Variants in SNX10 observed in about 807,000 individuals in gnomAD.
SNX10 encodes the protein sorting nexin 10, also known as sorting nexin-10.
A neutral mutation model predicts 28.5 loss-of-function variants in SNX10; 25 were observed. That is an observed-to-expected ratio of 0.88 (90% CI 0.64 to 1.22). SNX10 has a LOEUF of 1.22. Ranked by LOEUF, SNX10 falls within the 50% of genes most tolerant of loss-of-function variation. The pLI is 0.00. For synonymous variants in SNX10, 62 were observed against 81.4 expected (o/e 0.76, Z 1.28); for missense variants, 223 against 242.6 (o/e 0.92, Z 0.54).
chr7:26,303,038 G>A (rs1013334368), intron 1 of SNX10, among the ~76,000 whole-genome samples: 1 of 152,208 alleles, frequency 6.6e-6, no homozygotes, highest in Non-Finnish European at 1.5e-5. Flanking sequence ...AGGGAGATCA[G>A]AGGTAACACA....
chr7:26,335,250 TACTTGTGTTATACGGGTATAACACAAGA>T (rs1265188424), intron 1 of SNX10, among the ~76,000 whole-genome samples: 1 of 152,210 alleles, frequency 6.6e-6, no homozygotes, highest in Non-Finnish European at 1.5e-5. Flanking sequence ...GGCTCATATA[TACTTGTGTTATACGGGTATAACACAAGA>T]ACCTCTGGTC....
intron 5 of SNX10, chr7:26,370,595 A>C (rs1789481958): frequency 6.6e-6 from 1 of 152,184 alleles, no homozygotes; most frequent in South Asian, 2.1e-4. Context: ...TGCCTTTGTT[A>C]AGAAATAATT....
intron 1 of SNX10, among the ~76,000 whole-genome samples, chr7:26,335,725 A>T (rs1041891170): frequency 6.3e-5 from 9 of 142,218 alleles, no homozygotes; most frequent in Admixed American, 2.1e-4. Context: ...AACCTCGCAG[A>T]TGGAATATTC....
chr7:26,345,210 T>A lies in SNX10; in HGVS notation c.-23-1210T>A, dbSNP rs147814657. Among the ~76,000 whole-genome samples, 607 of 152,286 alleles carry A rather than the reference T, an allele frequency of 4.0e-3. 6 individuals carry two copies. The highest frequency in any genetic ancestry group is 0.014 in the African/African-American group (587 of 41,548). ...TTCTGTGGATCAGGACATGGACCTA[T>A]CTTTATGGCAGCCACAATTCCACCC... On this transcript the variant is annotated intron_variant, in intron 1 of 6. Transcript: ENST00000338523.
intron 1 of SNX10, among the ~76,000 whole-genome samples, chr7:26,340,091 C>T (rs1027143030): frequency 6.6e-6 from 1 of 150,962 alleles, no homozygotes; most frequent in South Asian, 2.1e-4. Context: ...TCACTCCTTA[C>T]ATGTATAGTC....
At chr7:26,345,155 T>A (rs1252588933) in intron 1 of SNX10, among the ~76,000 whole-genome samples, 1 of 152,240 alleles carries the variant, frequency 6.6e-6, no homozygotes, top group Non-Finnish European at 1.5e-5. Context: ...CTCCAAAGAC[T>A]CTTTTTTCAA....
At chr7:26,297,122 A>G (rs1328185158) in intron 1 of SNX10, among the ~76,000 whole-genome samples, 1 of 152,120 alleles carries the variant, frequency 6.6e-6, no homozygotes, top group Non-Finnish European at 1.5e-5. Context: ...TTTGAGACGG[A>G]GTCTCGCTCT....
intron 2 of SNX10, among the ~76,000 whole-genome samples, chr7:26,358,926 C>T (rs954217252): frequency 1.3e-5 from 2 of 150,104 alleles, no homozygotes; most frequent in Non-Finnish European, 3.0e-5. Context: ...CTGCCTCAGC[C>T]TCCTGAGTAG....
intron 1 of SNX10, among the ~76,000 whole-genome samples, chr7:26,330,885 C>T (rs986584131): frequency 8.5e-5 from 13 of 152,086 alleles, no homozygotes; most frequent in African/African-American, 3.1e-4. Context: ...TGCGGTGGCT[C>T]ACGCCTATAA....
chr7:26,361,835 G>C (rs1031256630), intron 3 of SNX10, among the ~76,000 whole-genome samples: 1 of 152,202 alleles, frequency 6.6e-6, no homozygotes, highest in Admixed American at 6.5e-5. Flanking sequence ...ACCAGATTTG[G>C]CCCTCAGGCT....
At chr7:26,300,232 A>T (rs987096955) in intron 1 of SNX10, among the ~76,000 whole-genome samples, 1 of 151,932 alleles carries the variant, frequency 6.6e-6, no homozygotes, top group Non-Finnish European at 1.5e-5. Context: ...AAAATAAAAC[A>T]AAGTGCCAAA....
intron 1 of SNX10, among the ~76,000 whole-genome samples, chr7:26,341,573 C>A (rs1788179585): frequency 6.6e-6 from 1 of 151,620 alleles, no homozygotes; most frequent in Admixed American, 6.6e-5. Context: ...TGACTCACTG[C>A]AACCTTGGCT....
At chr7:26,367,645 C>T (rs542261778) in intron 5 of SNX10, among the ~76,000 whole-genome samples, 1 of 152,150 alleles carries the variant, frequency 6.6e-6, no homozygotes, top group South Asian at 2.1e-4. Context: ...TAAGGTAGTA[C>T]CCTCCATGTC....
At chr7:26,324,612 C>T (rs566240492) in intron 1 of SNX10, among the ~76,000 whole-genome samples, 12 of 152,106 alleles carry the variant, frequency 7.9e-5, no homozygotes, top group African/African-American at 1.2e-4. Context: ...CCTCCTGTCT[C>T]GGCCTCCCAA....
chr7:26,338,110 C>CTT (rs55920968), intron 1 of SNX10, among the ~76,000 whole-genome samples: 169 of 129,242 alleles, frequency 1.3e-3, no homozygotes, highest in African/African-American at 4.5e-3. Flanking sequence ...TTCCTTTGTC[C>CTT]TTTTTTTTTT....
chr7:26,371,445 C>T (rs1306669562), intron 5 of SNX10, among the ~76,000 whole-genome samples: 2 of 152,098 alleles, frequency 1.3e-5, no homozygotes, highest in Non-Finnish European at 2.9e-5. Flanking sequence ...CCATAAAGAT[C>T]ACTGAATTGA....
At chr7:26,353,332 G>A (rs923770564) in intron 2 of SNX10, among the ~76,000 whole-genome samples, 5 of 149,832 alleles carry the variant, frequency 3.3e-5, no homozygotes, top group Non-Finnish European at 5.9e-5. Context: ...CTTCTATTTT[G>A]TTATTTGTAA....
At chr7:26,315,532 G>A (rs892033977) in intron 1 of SNX10, among the ~76,000 whole-genome samples, 1 of 151,842 alleles carries the variant, frequency 6.6e-6, no homozygotes, top group Non-Finnish European at 1.5e-5. Context: ...GCAGGGCCTG[G>A]TGGTGGGAGC....
At chr7:26,294,864 A>G (rs984673970) in intron 1 of SNX10, among the ~76,000 whole-genome samples, 11 of 152,230 alleles carry the variant, frequency 7.2e-5, no homozygotes, top group Admixed American at 2.0e-4. Flanking sequence ...ACAACTAGTA[A>G]TGCGAGAGCC....
Sources: gnomAD v4.1 joint callset for allele counts (sites outside exome capture counted in the v4.1 genomes callset) on GRCh38, gnomAD v4.1.1 for gene constraint, MANE v1.5 for transcripts, NCBI Gene and HGNC (gene_info 2026-07-23, HGNC 2026-07-21) for gene names.